CFAP43: variants seen among roughly 807,000 people sequenced by gnomAD.
The protein encoded by CFAP43 is cilia and flagella associated protein 43.
CFAP43 carries 155 observed loss-of-function variants against 218.9 expected under a neutral mutation model. The ratio of observed to expected loss-of-function variants is 0.71; its 90% CI spans 0.62 to 0.81. The LOEUF is 0.81. Ranked by LOEUF, CFAP43 falls within the 30% of genes least tolerant of loss-of-function variation. CFAP43 has a pLI of 0.00. For synonymous variants in CFAP43, 645 were observed against 681.3 expected (o/e 0.95, Z 0.83); for missense variants, 1,778 against 1,954.3 (o/e 0.91, Z 1.70).
intron 2 of CFAP43, among the ~76,000 whole-genome samples, chr10:104,228,315 CCTT>C (rs1401562555): frequency 2.6e-5 from 4 of 152,006 alleles, no homozygotes; most frequent in Non-Finnish European, 4.4e-5. Flanking sequence ...TTCTCTTCCT[CCTT>C]CTTTTTGGTG....
intron 34 of CFAP43, 108 bp from the exon 35 acceptor site, chr10:104,133,892 T>TC: frequency 1.9e-6 from 2 of 1,042,066 alleles, no homozygotes; most frequent in Non-Finnish European, 2.7e-6. Flanking sequence ...ACAGAGATAA[T>TC]TCTGTCTTCT....
intron 27 of CFAP43, among the ~76,000 whole-genome samples, chr10:104,157,773 TGTGAGAGAGAGAGAGA>T (rs758609286): frequency 8.9e-4 from 87 of 98,114 alleles, no homozygotes; most frequent in South Asian, 3.1e-3. Flanking sequence ...TGTGTGTGTG[TGTGAGAGAGAGAGAGA>T]GAGAGAGAGA....
intron 2 of CFAP43, among the ~76,000 whole-genome samples, chr10:104,226,652 T>C (rs1483146864): frequency 6.6e-6 from 1 of 152,196 alleles, no homozygotes; most frequent in African/African-American, 2.4e-5. Context: ...TGTGTTTACT[T>C]GAAAAAATAC....
In CFAP43 at chr10:104,130,263, T is replaced by G; in HGVS notation, c.4874A>C (p.Glu1625Ala). The part of the protein sequence containing the change: ...TCEKIVKERY[E>A]NMMQQQKLTN... ...TAACTTCTGCTGTTGCATCATGTTT[T>G]CATACCGTTCTTTGACAATCTTTTC... The change falls in exon 38 of 38, where the codon GAA becomes GCA. Residue 1625 changes from glutamate (E) to alanine (A), a missense_variant. Physicochemically the swap from Glu to Ala is moderately radical, Grantham distance 107. This residue lies in a region of CFAP43 where 211 missense variants were observed against 230.6 expected (regional missense o/e 0.91). Transcript: ENST00000357060. 6.2e-7 allele frequency: 1 copy of G among 1,612,748 alleles called. No individual in the cohort carries two copies. The highest frequency in any genetic ancestry group is 1.3e-5 in the African/African-American group (1 of 75,016).
At chr10:104,194,370 A>G (rs2090324739) in intron 10 of CFAP43, among the ~76,000 whole-genome samples, 1 of 152,212 alleles carries the variant, frequency 6.6e-6, no homozygotes. Flanking sequence ...AGTGAAAAAT[A>G]AGGAATTTAA....
At chr10:104,224,498 T>A (rs1482098985) in intron 3 of CFAP43, among the ~76,000 whole-genome samples, 2 of 152,010 alleles carry the variant, frequency 1.3e-5, no homozygotes, top group Non-Finnish European at 2.9e-5. Flanking sequence ...CTCATGCCTG[T>A]AATCCCAGCA....
chr10:104,155,840 A>T lies in CFAP43; in HGVS notation c.3541-3114T>A, dbSNP rs139230904. ...TTTGCTGGGTATCTGAGGAACAGTA[A>T]GGAAATCAGTGGAACTGGAACAGTT... On this transcript the variant is annotated intron_variant, in intron 27 of 37. Coordinates refer to ENST00000357060, the MANE Select transcript of CFAP43 (RefSeq NM_025145.7). 3.3e-3 allele frequency among the ~76,000 whole-genome samples: 499 copies of T among 152,138 alleles called. 2 individuals carry two copies. Among genetic ancestry groups the T allele is most frequent in the African/African-American group, 0.011 (464 of 41,464 alleles).
chr10:104,224,270 C>T (rs1271881134), intron 3 of CFAP43, among the ~76,000 whole-genome samples: 2 of 151,774 alleles, frequency 1.3e-5, no homozygotes, highest in East Asian at 3.9e-4. Flanking sequence ...GTCTCGATCT[C>T]CTGACCTCGT....
intron 9 of CFAP43, 102 bp from the exon 10 acceptor site, chr10:104,197,035 T>G: frequency 1.2e-6 from 1 of 867,064 alleles, no homozygotes; most frequent in Non-Finnish European, 1.8e-6. Flanking sequence ...TAGTATAAAA[T>G]TTCATTTTAC....
chr10:104,211,738 C>T (rs2090869475), intron 5 of CFAP43, among the ~76,000 whole-genome samples: 1 of 152,226 alleles, frequency 6.6e-6, no homozygotes, highest in Non-Finnish European at 1.5e-5. Flanking sequence ...ACCTAGGTGT[C>T]TTCCCTGCAC....
At chr10:104,170,116 T>G in intron 20 of CFAP43, among the ~76,000 whole-genome samples, 1 of 152,060 alleles carries the variant, frequency 6.6e-6, no homozygotes, top group Non-Finnish European at 1.5e-5. Flanking sequence ...GAGTTTATGG[T>G]GCCATCTGCT....
At chr10:104,142,221 A>C (rs1355290373) in intron 33 of CFAP43, 60 bp downstream of exon 33, 1 of 1,415,544 alleles carries the variant, frequency 7.1e-7, no homozygotes, top group Non-Finnish European at 9.9e-7. Flanking sequence ...TGATAACACA[A>C]CCTGATTTAG....
chr10:104,164,141 C>G lies in CFAP43; in HGVS notation c.3199G>C (p.Glu1067Gln). The G allele has an allele frequency of 6.2e-7, 1 of 1,614,190 alleles. No individual in the cohort carries two copies. The change falls in exon 24 of 38, where the codon GAA (glutamate) becomes CAA (glutamine). Residue 1067 changes from glutamate to glutamine, a missense_variant. Physicochemically the swap from Glu to Gln is conservative, Grantham distance 29 (BLOSUM62 2). Coordinates refer to ENST00000357060, the MANE Select transcript of CFAP43 (RefSeq NM_025145.7). ...GTTCTCTCTGGCTTCTCACAGTCTT[C>G]AAATTCTGGTTGCCAGACTGCTTCT... is the stretch of plus-strand genomic sequence containing the variant. ...LEEAVWQPEF[E>Q]DCEKPERTLV...
At position 104,185,163 on chromosome 10, in the gene CFAP43, T is replaced by C. The variant is rs187646292; in HGVS notation, c.2011-17A>G. 7 of 1,612,816 alleles carry C rather than the reference T, an allele frequency of 4.3e-6. No homozygotes were observed. The highest frequency in any genetic ancestry group is 5.9e-6 in the Non-Finnish European group (7 of 1,179,748). ...AAATGTTTCCTCAATAGTTAAGAAA[T>C]AAACCAGAAAAATTACAAATGCAAT... On this transcript the variant is annotated splice_polypyrimidine_tract_variant and intron_variant, in intron 15 of 37. Coordinates refer to ENST00000357060, the MANE Select transcript of CFAP43 (RefSeq NM_025145.7).
intron 16 of CFAP43, among the ~76,000 whole-genome samples, chr10:104,183,815 T>C (rs559039232): frequency 5.3e-5 from 8 of 152,214 alleles, no homozygotes; most frequent in Non-Finnish European, 1.0e-4. Flanking sequence ...TTGCCTGAGA[T>C]AGTATTTGTT....
At chr10:104,207,462 G>T (rs921353880) in intron 6 of CFAP43, among the ~76,000 whole-genome samples, 1 of 152,096 alleles carries the variant, frequency 6.6e-6, no homozygotes, top group Admixed American at 6.5e-5. Flanking sequence ...TGGAGATTAA[G>T]GTGTCTCTCC....
Position 104,207,634 on chromosome 10 carries a change from T to C in CFAP43, c.895+31A>G, listed in dbSNP as rs547095776. On this transcript the variant is annotated intron_variant, in intron 6 of 37. Transcript: ENST00000357060. ...CCAAAAAAACCAACACCCATGGCTA[T>C]ACAGGAATATGAAGTAGGACAGTTT... 5 of 1,594,088 alleles carry C rather than the reference T, an allele frequency of 3.1e-6. No individual in the cohort carries two copies. The South Asian group carries it at 3.4e-5, about 11-fold the overall frequency.
chr10:104,207,665 C>A lies in CFAP43; in HGVS notation c.895G>T (p.Asp299Tyr). Residue 299 changes from aspartate to tyrosine, a missense_variant and splice_region_variant, in exon 6 of 38, where the codon GAC (aspartate) becomes TAC (tyrosine). Physicochemically the swap from Asp to Tyr is radical, Grantham distance 160. Around this residue, in one of 3 missense-constraint regions of CFAP43, gnomAD observed 1,553 missense variants for 1,685.2 expected, o/e 0.92. Transcript: ENST00000357060. ...AATATGAAGTAGGACAGTTTCTTAC[C>A]CAATGGCGATTCCTCTTCTATCTTA... Reference protein sequence around the residue: ...LNKIEEESPLDRRNFISPVTL... With the variant: ...LNKIEEESPLYRRNFISPVTL... The A allele has an allele frequency of 6.2e-7, 1 of 1,612,042 alleles. No homozygotes were observed. Among genetic ancestry groups the A allele is most frequent in the Non-Finnish European group, 8.5e-7 (1 of 1,179,114 alleles).
At position 104,194,476 on chromosome 10, in the gene CFAP43, C is replaced by T. The variant is rs150304956; in HGVS notation, c.1294-462G>A. On this transcript the variant is annotated intron_variant, in intron 10 of 37. Coordinates refer to ENST00000357060, the MANE Select transcript of CFAP43 (RefSeq NM_025145.7). ...TCTTGAACTACTGGGCTCAAGTGAT[C>T]CTACTGTGTCAGCCTGCCGAGTCGC... Among the ~76,000 whole-genome samples, 161 of 152,236 alleles carry T rather than the reference C, an allele frequency of 1.1e-3. 3 individuals carry two copies. In the East Asian group the frequency reaches 0.026, roughly 25 times the overall value.
Sources: allele counts gnomAD v4.1 joint callset (sites outside exome capture counted in the v4.1 genomes callset), GRCh38; gene constraint gnomAD v4.1.1; regional missense constraint gnomAD v4.1.1; transcripts MANE v1.5; gene names NCBI Gene and HGNC (gene_info 2026-07-23, HGNC 2026-07-21).